Variants in ADGRL3 observed in about 807,000 individuals in gnomAD.
ADGRL3 encodes calcium-independent alpha-latrotoxin receptor 3.
ADGRL3 carries 62 observed loss-of-function variants against 153.5 expected under a neutral mutation model. The ratio of observed to expected loss-of-function variants is 0.40; its 90% confidence interval spans 0.33 to 0.50. The LOEUF is 0.50. Among genes scored for constraint, ADGRL3 ranks in the 20% least tolerant of loss-of-function variants. The pLI is 0.47. For missense variants in ADGRL3, 1,641 were observed against 1,859.4 expected, an observed-to-expected ratio of 0.88 and a Z score of 2.16; for synonymous variants, 710 against 672.5, an observed-to-expected ratio of 1.06 and a Z score of -0.86.
At chr4:62,016,325 G>A (rs1304921584) in intron 21 of ADGRL3, among the ~76,000 whole-genome samples, 3 of 152,090 alleles carry the variant, frequency 2.0e-5, no homozygotes, top group African/African-American at 2.4e-5. Context: ...GGGATTACAG[G>A]CATAAGCCAC....
chr4:61,556,117 G>A (rs531333018), intron 4 of ADGRL3, among the ~76,000 whole-genome samples: 2 of 152,140 alleles, frequency 1.3e-5, no homozygotes, highest in Non-Finnish European at 2.9e-5. Context: ...ACACGCCTCT[G>A]ACAGGAGCAG....
At chr4:61,470,299 T>C (rs1357654838) in intron 2 of ADGRL3, among the ~76,000 whole-genome samples, 1 of 152,070 alleles carries the variant, frequency 6.6e-6, no homozygotes, top group Admixed American at 6.6e-5. Context: ...CCTTGACTCA[T>C]TCCAGGTAAT....
chr4:62,038,856 G>A (rs1266453989), intron 24 of ADGRL3, among the ~76,000 whole-genome samples: 1 of 151,976 alleles, frequency 6.6e-6, no homozygotes, highest in Non-Finnish European at 1.5e-5. Context: ...TGATCCACCT[G>A]CCTTGACCTC....
At chr4:61,840,595 T>G (rs1186800723) in intron 9 of ADGRL3, among the ~76,000 whole-genome samples, 4 of 152,158 alleles carry the variant, frequency 2.6e-5, no homozygotes, top group Non-Finnish European at 4.4e-5. Flanking sequence ...TCAGTCTCTG[T>G]TTTACTAGTT....
chr4:61,969,293 G>T (rs563108031), intron 17 of ADGRL3, among the ~76,000 whole-genome samples: 2 of 151,908 alleles, frequency 1.3e-5, no homozygotes, highest in East Asian at 3.9e-4. Context: ...TGATTTTTTT[G>T]GGGGGTGGGA....
chr4:61,881,938 G>A (rs1446502583), intron 9 of ADGRL3, among the ~76,000 whole-genome samples: 3 of 152,064 alleles, frequency 2.0e-5, no homozygotes, highest in East Asian at 1.9e-4. Context: ...ACTACTTAAC[G>A]CCCTTGGTAT....
At chr4:61,422,602 A>G (rs1466604530) in intron 2 of ADGRL3, among the ~76,000 whole-genome samples, 1 of 152,142 alleles carries the variant, frequency 6.6e-6, no homozygotes, top group Non-Finnish European at 1.5e-5. Flanking sequence ...CTTCCTAAGT[A>G]GAATAGACAA....
chr4:61,818,224 A>G (rs2097710334), intron 9 of ADGRL3, among the ~76,000 whole-genome samples: 1 of 152,140 alleles, frequency 6.6e-6, no homozygotes, highest in South Asian at 2.1e-4. Flanking sequence ...AAATGGAAGA[A>G]ATTGGCCAAA....
intron 1 of ADGRL3, among the ~76,000 whole-genome samples, chr4:61,382,570 A>G (rs114750297): frequency 0.011 from 1,631 of 151,828 alleles, 25 homozygotes; most frequent in African/African-American, 0.036. Flanking sequence ...ATAAACTTAC[A>G]TTTCTGTTTA....
At chr4:61,275,439 T>C (rs2093414208) in intron 1 of ADGRL3, among the ~76,000 whole-genome samples, 2 of 152,196 alleles carry the variant, frequency 1.3e-5, no homozygotes, top group South Asian at 2.1e-4. Context: ...TTCATTTTCA[T>C]AGGATGTGCA....
intron 8 of ADGRL3, among the ~76,000 whole-genome samples, chr4:61,795,573 G>T (rs1012344129): frequency 6.6e-6 from 1 of 152,106 alleles, no homozygotes; most frequent in African/African-American, 2.4e-5. Context: ...TGTACAAGTT[G>T]TGAAATAAAA....
At chr4:61,719,493 A>G (rs2096194710) in intron 6 of ADGRL3, among the ~76,000 whole-genome samples, 2 of 152,158 alleles carry the variant, frequency 1.3e-5, no homozygotes, top group East Asian at 1.9e-4. Context: ...TTAATAAAAC[A>G]TGATTTTTCT....
chr4:62,021,086 T>TA (rs943308083), intron 21 of ADGRL3, among the ~76,000 whole-genome samples: 23 of 151,482 alleles, frequency 1.5e-4, no homozygotes, highest in African/African-American at 3.9e-4. Context: ...CAAAATACTT[T>TA]AAAAAAAAAC....
At chr4:61,666,805 A>T (rs1415201241) in intron 5 of ADGRL3, among the ~76,000 whole-genome samples, 3 of 152,164 alleles carry the variant, frequency 2.0e-5, no homozygotes, top group Non-Finnish European at 4.4e-5. Context: ...TTGGTTAACC[A>T]TACATACAAA....
intron 11 of ADGRL3, among the ~76,000 whole-genome samples, chr4:61,903,683 A>G (rs1472024187): frequency 4.0e-5 from 5 of 124,008 alleles, no homozygotes; most frequent in East Asian, 2.3e-4. Flanking sequence ...AAAAAAAAAA[A>G]GAATAGAGGG....
intron 1 of ADGRL3, among the ~76,000 whole-genome samples, chr4:61,308,549 T>C (rs1486294894): frequency 6.6e-6 from 1 of 152,184 alleles, no homozygotes; most frequent in Admixed American, 6.6e-5. Flanking sequence ...CTGCTGCTAG[T>C]GTGTTAACTC....
chr4:61,323,833 A>G (rs2095413459), intron 1 of ADGRL3, among the ~76,000 whole-genome samples: 2 of 152,182 alleles, frequency 1.3e-5, no homozygotes, highest in East Asian at 1.9e-4. Flanking sequence ...AGTTGCTTCC[A>G]TATTTTCAGG....
chr4:61,822,574 G>A (rs1020587289), intron 9 of ADGRL3, among the ~76,000 whole-genome samples: 1 of 152,088 alleles, frequency 6.6e-6, no homozygotes, highest in African/African-American at 2.4e-5. Flanking sequence ...AAGTATGAGG[G>A]TTTTGCAAAC....
intron 2 of ADGRL3, among the ~76,000 whole-genome samples, chr4:61,471,067 G>A (rs941019031): frequency 1.3e-5 from 2 of 151,606 alleles, no homozygotes; most frequent in African/African-American, 4.8e-5. Context: ...CTTTTTAACA[G>A]GCTGATATTT....
Sources: allele counts gnomAD v4.1 joint callset (sites outside exome capture counted in the v4.1 genomes callset), GRCh38; gene constraint gnomAD v4.1.1; transcripts MANE v1.5; gene names NCBI Gene and HGNC (gene_info 2026-07-23, HGNC 2026-07-21).